Variants in AGXT observed in about 807,000 individuals in gnomAD.
AGXT encodes L-alanine: glyoxylate aminotransferase 1.
AGXT carries 41 observed loss-of-function variants against 46.9 expected under a neutral mutation model. The observed-to-expected ratio is 0.88, with a 90% CI of 0.68 to 1.14. The LOEUF (loss-of-function observed/expected upper bound fraction) is 1.14. Ranked by LOEUF, AGXT falls within the 50% of genes most tolerant of loss-of-function variation. The pLI is 0.00. For missense variants in AGXT, 525 were observed against 522.7 expected (o/e 1.00, Z -0.04); for synonymous variants, 244 against 227.9 (o/e 1.07, Z -0.64).
intron 5 of AGXT, chr2:240,873,494 C>T (rs1317820922): frequency 1.1e-5 from 3 of 261,334 alleles, no homozygotes; most frequent in Non-Finnish European, 2.2e-5. Flanking sequence ...CTCAACCAGG[C>T]CGGCCGAGGG....
At position 240,878,239 on chromosome 2, in the gene AGXT, C is replaced by T. The variant is rs537739793; in HGVS notation, c.1071+89C>T. ...ACTGTGCACCAGGTGCAGGGGAGGC[C>T]GGGGTCATCCGAAAGCCCAGATTGC... is the stretch of plus-strand genomic sequence containing the variant. On this transcript the variant is annotated intron_variant, in intron 10 of 10. Transcript: ENST00000307503. The T allele has an allele frequency of 9.4e-5, 146 of 1,555,402 alleles. 1 individual carries two copies. In the African/African-American group the frequency reaches 1.1e-3, roughly 11 times the overall value.
chr2:240,879,118 C>T lies in AGXT; in HGVS notation c.*297C>T, dbSNP rs1176112389. The T allele has an allele frequency of 1.7e-5, 9 of 518,544 alleles. No homozygotes were observed. Among genetic ancestry groups the T allele is most frequent in the African/African-American group, 1.5e-4 (8 of 52,088 alleles). The allele number at this position is 518,544 out of a possible 1,614,324, so 32.1% of individuals were successfully genotyped here. ...AATAAAGGGCCTGGCCAACTCTCCTCACTGTGTGGGGTGGTCTGTGAAAGA... is the reference window on the plus strand; with the variant it reads ...AATAAAGGGCCTGGCCAACTCTCCTTACTGTGTGGGGTGGTCTGTGAAAGA... On this transcript the variant is annotated 3_prime_UTR_variant, in exon 11 of 11. Transcript: ENST00000307503.
chr2:240,876,737 AG>A (rs2059026717), intron 8 of AGXT, among the ~76,000 whole-genome samples: 1 of 152,210 alleles, frequency 6.6e-6, no homozygotes, highest in Admixed American at 6.5e-5. Context: ...GGTTAGTGCC[AG>A]GGTGCCCCTG....
At chr2:240,872,942 C>T (rs778956941) in intron 4 of AGXT, 37 bp from the exon 5 acceptor site, 3 of 1,589,964 alleles carry the variant, frequency 1.9e-6, no homozygotes, top group Non-Finnish European at 2.6e-6. Flanking sequence ...CCCCCTGCCT[C>T]ACCTGCTGCC....
chr2:240,875,892 A>G (rs771494509), intron 7 of AGXT, 43 bp from the exon 8 acceptor site: 5 of 1,602,962 alleles, frequency 3.1e-6, no homozygotes, highest in Admixed American at 1.7e-5. Flanking sequence ...TCTGCCCCCA[A>G]CCCTGCCCAT....
intron 4 of AGXT, among the ~76,000 whole-genome samples, chr2:240,872,014 C>T (rs888331645): frequency 2.0e-5 from 3 of 152,226 alleles, no homozygotes; most frequent in Non-Finnish European, 4.4e-5. Flanking sequence ...CTGCATGGAC[C>T]GTGGCCATGA....
At chr2:240,869,894 A>C (rs2058982113) in intron 2 of AGXT, among the ~76,000 whole-genome samples, 4 of 152,156 alleles carry the variant, frequency 2.6e-5, no homozygotes, top group Admixed American at 2.6e-4. Flanking sequence ...TGATTGTGGC[A>C]TTGAGGGACA....
chr2:240,870,717 C>G lies in AGXT; in HGVS notation c.423+9C>G. Reference sequence around the variant, plus strand: ...TGCAGGAGGTGGAGGAGGTAGGGGACCCGGGGTGGGGGTCAGGGCCGGGAG... The same window carrying G: ...TGCAGGAGGTGGAGGAGGTAGGGGAGCCGGGGTGGGGGTCAGGGCCGGGAG... On this transcript the variant is annotated intron_variant, in intron 3 of 10. Transcript: ENST00000307503. The G allele has an allele frequency of 6.4e-7, 1 of 1,553,760 alleles. No individual in the cohort carries two copies. The highest frequency in any genetic ancestry group is 8.7e-7 in the Non-Finnish European group (1 of 1,148,580).
In AGXT at chr2:240,879,092, T is replaced by G; in HGVS notation, c.*271T>G. Reference sequence around the variant, plus strand: ...AGGCCATGAGCCTCCCGGGAATGTTTAATAAAGGGCCTGGCCAACTCTCCT... The same window carrying G: ...AGGCCATGAGCCTCCCGGGAATGTTGAATAAAGGGCCTGGCCAACTCTCCT... On this transcript the variant is annotated 3_prime_UTR_variant, in exon 11 of 11. Coordinates refer to ENST00000307503, the MANE Select transcript of AGXT (RefSeq NM_000030.3). The G allele has an allele frequency of 2.6e-5, 15 of 567,332 alleles. No individual in the cohort carries two copies. In the South Asian group the frequency reaches 3.0e-4, roughly 11 times the overall value. 35.1% of individuals were successfully genotyped at this position (567,332 alleles called of 1,614,324 possible).
rs2058990854 is a variant in AGXT at position 240,871,561 on chromosome 2, TG to T, written c.524+113del. 4.0e-6 allele frequency: 4 copies of T among 1,007,376 alleles called. No individual in the cohort carries two copies. In the South Asian group the frequency reaches 5.5e-5, roughly 14 times the overall value. 62.4% of individuals were successfully genotyped at this position (1,007,376 alleles called of 1,614,324 possible). A position where few individuals can be genotyped will look rare whatever the true frequency, so the allele number is the denominator to read the frequency against. Reference sequence around the variant, plus strand: ...TGCCCCTGGTCCCCACCCCAGCCTCTGTCACATGGTATGGGGTGCAGGCACC... The same window carrying T: ...TGCCCCTGGTCCCCACCCCAGCCTCTTCACATGGTATGGGGTGCAGGCACC... On this transcript the variant is annotated intron_variant, in intron 4 of 10. Coordinates refer to ENST00000307503, the MANE Select transcript of AGXT (RefSeq NM_000030.3).
At chr2:240,877,734 G>T in intron 9 of AGXT, 102 bp downstream of exon 9, 1 of 1,338,634 alleles carries the variant, frequency 7.5e-7, no homozygotes, top group South Asian at 1.3e-5. Flanking sequence ...GAGAAGGAGG[G>T]GGCGGCTGCC....
At position 240,869,246 on chromosome 2, in the gene AGXT, C is replaced by T. The variant is rs180177184; in HGVS notation, c.242C>T (p.Ser81Leu). The change falls in exon 2 of 11, where the codon TCG (serine) becomes TTG (leucine). Residue 81 changes from serine (S) to leucine (L), a missense_variant. Ser to Leu is a moderately radical substitution (Grantham distance 145). Coordinates refer to ENST00000307503, the MANE Select transcript of AGXT (RefSeq NM_000030.3). ...RNPLTLVISG[S>L]GHCALEAALV... ...CCACTCACACTGGTCATCTCTGGCTCGGGACACTGTGCCCTGGAGGCCGCC... is the reference window on the plus strand; with the variant it reads ...CCACTCACACTGGTCATCTCTGGCTTGGGACACTGTGCCCTGGAGGCCGCC... 1.2e-6 allele frequency: 2 copies of T among 1,613,760 alleles called. No homozygotes were observed. The highest frequency in any genetic ancestry group is 1.3e-5 in the African/African-American group (1 of 75,028).
intron 2 of AGXT, 111 bp downstream of exon 2, chr2:240,869,473 C>T (rs1323989071): frequency 1.0e-4 from 132 of 1,296,608 alleles, no homozygotes; most frequent in Non-Finnish European, 1.3e-4. Context: ...GCTTACCCAC[C>T]TTGTGGCCCT....
chr2:240,876,718 C>T (rs2059026567), intron 8 of AGXT, among the ~76,000 whole-genome samples: 1 of 152,340 alleles, frequency 6.6e-6, no homozygotes, highest in East Asian at 1.9e-4. Flanking sequence ...AAGCCACTGC[C>T]TAGGGCTGGG....
chr2:240,873,141 G>A (rs979438838), intron 5 of AGXT, 92 bp downstream of exon 5: 82 of 1,141,502 alleles, frequency 7.2e-5, no homozygotes, highest in Middle Eastern at 6.4e-4. Flanking sequence ...TCCAGCAGCC[G>A]ATGCTGCGGA....
chr2:240,877,511 G>A, intron 8 of AGXT, 26 bp from the exon 9 acceptor site: 1 of 1,534,060 alleles, frequency 6.5e-7, no homozygotes, highest in East Asian at 2.5e-5. Context: ...CCATGTCACT[G>A]CCCACCAGCG....
Position 240,879,119 on chromosome 2 carries a change from A to C in AGXT, c.*298A>C. The C allele has an allele frequency of 2.0e-6, 1 of 511,116 alleles. No homozygotes were observed. The highest frequency in any genetic ancestry group is 3.6e-6 in the Non-Finnish European group (1 of 279,794). 31.7% of individuals were successfully genotyped at this position (511,116 alleles called of 1,614,324 possible). ...ATAAAGGGCCTGGCCAACTCTCCTC[A>C]CTGTGTGGGGTGGTCTGTGAAAGAG... On this transcript the variant is annotated 3_prime_UTR_variant, in exon 11 of 11. Coordinates refer to ENST00000307503, the MANE Select transcript of AGXT (RefSeq NM_000030.3).
chr2:240,878,900 T>C lies in AGXT; in HGVS notation c.*79T>C, dbSNP rs545843266. The C allele has an allele frequency of 7.2e-7, 1 of 1,397,680 alleles. No individual in the cohort carries two copies. Among genetic ancestry groups the C allele is most frequent in the South Asian group, 1.2e-5 (1 of 81,226 alleles). 86.6% of individuals were successfully genotyped at this position (1,397,680 alleles called of 1,614,324 possible). A position where few individuals can be genotyped will look rare whatever the true frequency, so the allele number is the denominator to read the frequency against. ...TGAGGGATCAGGAGCAAACAGACCC[T>C]GCAAGGTCCTCCAGGCCTGGGGACA... On this transcript the variant is annotated 3_prime_UTR_variant, in exon 11 of 11. Coordinates refer to ENST00000307503, the MANE Select transcript of AGXT (RefSeq NM_000030.3).
At chr2:240,869,697 G>A (rs1575707699) in intron 2 of AGXT, among the ~76,000 whole-genome samples, 1 of 149,614 alleles carries the variant, frequency 6.7e-6, no homozygotes, top group East Asian at 1.9e-4. Context: ...AGGGCCCCAG[G>A]CACCAGCTCT....
Sources: gnomAD v4.1 joint callset for allele counts (sites outside exome capture counted in the v4.1 genomes callset) on GRCh38, gnomAD v4.1.1 for gene constraint, MANE v1.5 for transcripts, NCBI Gene and HGNC (gene_info 2026-07-23, HGNC 2026-07-21) for gene names.